The following EML6 variants were observed in gnomAD, a reference collection of about 807,000 sequenced individuals.
EML6 encodes echinoderm microtubule-associated protein-like 6.
Under a neutral mutation model 240.1 loss-of-function variants are expected in EML6, and 154 were observed. The observed-to-expected ratio is 0.64, with a 90% CI of 0.56 to 0.73. EML6 has a LOEUF of 0.73. Among genes scored for constraint, EML6 ranks in the 30% least tolerant of loss-of-function variants. The pLI is 0.00. For missense variants in EML6, 2,964 were observed against 2,474.6 expected, an observed-to-expected ratio of 1.20 and a Z score of -4.20; for synonymous variants, 1,148 against 899.0, an observed-to-expected ratio of 1.28 and a Z score of -4.95.
chr2:54,812,338 C>A (rs1278805855), intron 2 of EML6, among the ~76,000 whole-genome samples: 1 of 150,710 alleles, frequency 6.6e-6, no homozygotes, highest in African/African-American at 2.4e-5. Context: ...AAAAAAAAGT[C>A]TACTTCCATT....
At chr2:54,816,737 G>C (rs1475065387) in intron 3 of EML6, 50 bp from the exon 4 acceptor site, 2 of 1,320,828 alleles carry the variant, frequency 1.5e-6, no homozygotes, top group East Asian at 2.5e-5. Context: ...TAACGTGTCA[G>C]TAAGTCTTCC....
chr2:54,899,828 C>A lies in EML6; in HGVS notation c.3124+46C>A, dbSNP rs146806669. ...CATCTGTCAGAGTATTTACAAGTAACAGAATGTGTCATATTTATTCACTCA... is the reference window on the plus strand; with the variant it reads ...CATCTGTCAGAGTATTTACAAGTAAAAGAATGTGTCATATTTATTCACTCA... On this transcript the variant is annotated intron_variant, in intron 22 of 41. Transcript: ENST00000356458. 8.0e-6 allele frequency: 12 copies of A among 1,503,216 alleles called. No individual in the cohort carries two copies. In the African/African-American group the frequency reaches 1.2e-4, roughly 16 times the overall value. 93.1% of individuals were successfully genotyped at this position (1,503,216 alleles called of 1,614,324 possible).
chr2:54,903,997 C>T (rs913334856), intron 24 of EML6, among the ~76,000 whole-genome samples: 1 of 152,196 alleles, frequency 6.6e-6, no homozygotes, highest in Non-Finnish European at 1.5e-5. Flanking sequence ...CTACTCCTAC[C>T]TCCTCCAAGT....
In EML6 at chr2:54,802,491, G is replaced by T. The variant is rs115929618; in HGVS notation, c.198-10741G>T. Reference sequence around the variant, plus strand: ...AAAATAAAAAAATTAGCCAGACATAGTGGCATGTGCCTATGGTCCCAGCTA... The same window carrying T: ...AAAATAAAAAAATTAGCCAGACATATTGGCATGTGCCTATGGTCCCAGCTA... On this transcript the variant is annotated intron_variant, in intron 2 of 41. Transcript: ENST00000356458. Among the ~76,000 whole-genome samples, 1,102 of 152,050 alleles carry T rather than the reference G, an allele frequency of 7.2e-3. 6 individuals are homozygous for T. Among genetic ancestry groups the T allele is most frequent in the Middle Eastern group, 0.02 (6 of 294 alleles).
intron 29 of EML6, among the ~76,000 whole-genome samples, 164 bp from the exon 30 acceptor site, chr2:54,950,486 C>G (rs1214504841): frequency 6.6e-6 from 1 of 152,256 alleles, no homozygotes; most frequent in Non-Finnish European, 1.5e-5. Context: ...GCTGCATTTT[C>G]TCCTCAGCCA....
intron 2 of EML6, among the ~76,000 whole-genome samples, chr2:54,791,726 A>G (rs1401740184): frequency 1.3e-5 from 2 of 152,168 alleles, no homozygotes; most frequent in Non-Finnish European, 2.9e-5. Flanking sequence ...GACAAAAAAA[A>G]ATGATACTGG....
intron 21 of EML6, among the ~76,000 whole-genome samples, chr2:54,896,447 A>G (rs1672772587): frequency 6.6e-6 from 1 of 152,122 alleles, no homozygotes; most frequent in African/African-American, 2.4e-5. Context: ...AATGTAACAG[A>G]ACCTTTTAGG....
chr2:54,767,597 A>AGTGTGTGTGTGTGTGTGTGT (rs111232633), intron 2 of EML6, among the ~76,000 whole-genome samples: 3 of 145,512 alleles, frequency 2.1e-5, no homozygotes, highest in South Asian at 2.2e-4. Flanking sequence ...TGGTATGAAG[A>AGTGTGTGTGTGTGTGTGTGT]GTGTGTGTGT....
In EML6 at chr2:54,844,160, C is replaced by T. The variant is rs910458094; in HGVS notation, c.961C>T (p.Gln321Ter). 2 of 1,551,600 alleles carry T rather than the reference C, an allele frequency of 1.3e-6. No homozygotes were observed. Among genetic ancestry groups the T allele is most frequent in the African/African-American group, 2.7e-5 (2 of 73,056 alleles). Residue 321 changes from glutamine (Q) to a stop codon, truncating the protein, a stop_gained, in exon 8 of 42, where the codon CAG (glutamine) becomes TAG (stop). Coordinates refer to ENST00000356458, the MANE Select transcript of EML6 (RefSeq NM_001039753.4). LOFTEE classifies it high-confidence loss of function. ...GCGAGACAAGCCGATGTTGATCCTA[C>T]AGGGCCACTGCGAGGGTGAGCTCTG... is the stretch of plus-strand genomic sequence containing the variant. Reference protein sequence around the residue: ...RERDKPMLILQGHCEGELWAL... With the variant: ...RERDKPMLIL
At chr2:54,852,108 T>C (rs1409852576) in intron 10 of EML6, among the ~76,000 whole-genome samples, 1 of 152,200 alleles carries the variant, frequency 6.6e-6, no homozygotes, top group Non-Finnish European at 1.5e-5. Flanking sequence ...TTTACTTGGA[T>C]TGTTTTAGTC....
In EML6 at chr2:54,859,693, C is replaced by G. The variant is rs1346043434; in HGVS notation, c.1817C>G (p.Ala606Gly). ...EGVSNGMLET[A>G]PQEGGADSYS... Reference sequence around the variant, plus strand: ...GTCAGCAACGGCATGCTGGAAACTGCACCCCAAGGTAAACCCAGCAATAAT... The same window carrying G: ...GTCAGCAACGGCATGCTGGAAACTGGACCCCAAGGTAAACCCAGCAATAAT... Residue 606 changes from alanine (A) to glycine (G), a missense_variant, in exon 12 of 42, where the codon GCA (alanine) becomes GGA (glycine). By Grantham distance (60) the Ala-to-Gly change is moderately conservative. Coordinates refer to ENST00000356458, the MANE Select transcript of EML6 (RefSeq NM_001039753.4). 1.3e-6 allele frequency: 2 copies of G among 1,535,476 alleles called. No homozygotes were observed. Among genetic ancestry groups the G allele is most frequent in the Non-Finnish European group, 1.8e-6 (2 of 1,142,648 alleles).
intron 28 of EML6, among the ~76,000 whole-genome samples, chr2:54,944,622 G>A (rs763650679): frequency 1.3e-5 from 2 of 152,040 alleles, no homozygotes; most frequent in African/African-American, 2.4e-5. Flanking sequence ...AGTCTAAGAC[G>A]ATATCCCCAT....
At chr2:54,881,837 A>G (rs1002160545) in intron 17 of EML6, 1 of 152,262 alleles carries the variant, frequency 6.6e-6, no homozygotes, top group East Asian at 1.9e-4. Flanking sequence ...AGCCTCATTT[A>G]TAGAGCAAGG....
At chr2:54,894,629 C>T (rs950495786) in intron 19 of EML6, among the ~76,000 whole-genome samples, 2 of 152,120 alleles carry the variant, frequency 1.3e-5, no homozygotes, top group Admixed American at 1.3e-4. Context: ...GGAGACTGGG[C>T]ACAAGCAGAG....
chr2:54,823,852 C>G (rs572942397), intron 5 of EML6, among the ~76,000 whole-genome samples: 1 of 143,622 alleles, frequency 7.0e-6, no homozygotes, highest in Admixed American at 7.0e-5. Context: ...TTCATTCATT[C>G]TCTCTCTCTC....
intron 2 of EML6, among the ~76,000 whole-genome samples, chr2:54,726,914 T>C (rs1682931684): frequency 6.6e-6 from 1 of 152,170 alleles, no homozygotes; most frequent in Non-Finnish European, 1.5e-5. Flanking sequence ...TTAAATAATA[T>C]TAATGTGACA....
At chr2:54,780,244 A>G (rs1668793725) in intron 2 of EML6, among the ~76,000 whole-genome samples, 1 of 152,248 alleles carries the variant, frequency 6.6e-6, no homozygotes. Context: ...GTAATTAGAA[A>G]TGAATAATTA....
At chr2:54,869,032 T>C (rs1431191461) in intron 14 of EML6, 149 bp from the exon 15 acceptor site, 9 of 536,544 alleles carry the variant, frequency 1.7e-5, no homozygotes, top group Admixed American at 1.2e-4. Context: ...CGGCCACATA[T>C]CCTCATTTAA....
intron 25 of EML6, among the ~76,000 whole-genome samples, chr2:54,914,790 T>C (rs986895933): frequency 6.6e-6 from 1 of 152,300 alleles, no homozygotes; most frequent in Admixed American, 6.5e-5. Context: ...GAAGCAATTT[T>C]TTTTTTTAAG....
Sources: gnomAD v4.1 joint callset for allele counts (sites outside exome capture counted in the v4.1 genomes callset) on GRCh38, gnomAD v4.1.1 for gene constraint, MANE v1.5 for transcripts, NCBI Gene and HGNC (gene_info 2026-07-23, HGNC 2026-07-21) for gene names.